Variants in KRT18 observed in about 807,000 individuals in gnomAD.
KRT18 encodes the protein keratin, type I cytoskeletal 18.
A neutral mutation model predicts 39.9 loss-of-function variants in KRT18; 8 were observed. That is an observed-to-expected ratio of 0.20 (90% CI 0.12 to 0.36). KRT18 has a LOEUF of 0.36. KRT18 is among the 10% of genes least tolerant of loss of function. The pLI, the probability that KRT18 is intolerant of heterozygous loss-of-function variation, is 1.00. For missense variants in KRT18, 396 were observed against 565.7 expected (o/e 0.70, Z 3.04); for synonymous variants, 194 against 227.8 (o/e 0.85, Z 1.33).
intron 3 of KRT18, among the ~76,000 whole-genome samples, chr12:52,951,249 G>A (rs1007933144): frequency 6.6e-6 from 1 of 152,202 alleles, no homozygotes; most frequent in East Asian, 1.9e-4. Flanking sequence ...TTGTGAAGGG[G>A]AGGGTGGATA....
chr12:52,950,451 G>A, intron 2 of KRT18, 41 bp downstream of exon 2: 2 of 1,438,380 alleles, frequency 1.4e-6, no homozygotes, highest in Non-Finnish European at 2.0e-6. Context: ...CAGGGGTGGA[G>A]CTAAGAAGGA....
rs1942496680 is a variant in KRT18 at position 52,951,864 on chromosome 12, C to T, written c.948+8C>T. Reference sequence around the variant, plus strand: ...GACTCCATGAGAAATCTGGTGAGTGCCTTCACATCACCTGCCCAGCTCCTC... The same window carrying T: ...GACTCCATGAGAAATCTGGTGAGTGTCTTCACATCACCTGCCCAGCTCCTC... On this transcript the variant is annotated splice_region_variant and intron_variant, in intron 5 of 6. Coordinates refer to ENST00000388835, the MANE Select transcript of KRT18 (RefSeq NM_000224.3). The T allele has an allele frequency of 1.2e-6, 2 of 1,604,412 alleles. No homozygotes were observed. Among genetic ancestry groups the T allele is most frequent in the South Asian group, 2.2e-5 (2 of 91,080 alleles).
intron 1 of KRT18, 148 bp downstream of exon 1, chr12:52,949,738 G>A (rs778330570): frequency 1.3e-6 from 1 of 758,922 alleles, no homozygotes; most frequent in Non-Finnish European, 2.4e-6. Flanking sequence ...CGCGCACCTA[G>A]CCACAGGGTC....
intron 5 of KRT18, 54 bp from the exon 6 acceptor site, chr12:52,952,065 G>T: frequency 7.0e-7 from 1 of 1,431,958 alleles, no homozygotes; most frequent in South Asian, 1.2e-5. Flanking sequence ...GTGAAGGGAT[G>T]AGCAGTCCTG....
upstream of KRT18, chr12:52,949,056 G>A (rs973259445): frequency 1.6e-5 from 16 of 978,666 alleles, no homozygotes; most frequent in African/African-American, 1.2e-4. Context: ...CTTCCGAAGC[G>A]GCTCCGGGGC....
At chr12:52,949,888 C>G (rs550963704) in intron 1 of KRT18, 11 of 681,346 alleles carry the variant, frequency 1.6e-5, no homozygotes, top group Admixed American at 1.0e-4. Flanking sequence ...GACACTGGCT[C>G]TGGCGGAATG....
At chr12:52,949,685 C>G in intron 1 of KRT18, 95 bp downstream of exon 1, 1 of 1,112,314 alleles carries the variant, frequency 9.0e-7, no homozygotes, top group South Asian at 1.3e-5. Flanking sequence ...CCACCCAACC[C>G]CTACTCCACC....
chr12:52,952,037 C>A, intron 5 of KRT18, 82 bp from the exon 6 acceptor site: 1 of 1,341,692 alleles, frequency 7.5e-7, no homozygotes, highest in Non-Finnish European at 1.0e-6. Context: ...TAGCAGGTGC[C>A]CAAAAAAGTT....
chr12:52,950,306 CCT>C lies in KRT18; in HGVS notation c.418-15_418-14del. 1 of 1,553,860 alleles carries C rather than the reference CCT, an allele frequency of 6.4e-7. No homozygotes were observed. The highest frequency in any genetic ancestry group is 8.9e-7 in the Non-Finnish European group (1 of 1,125,914). ...CCCTGGCTTTCTATTCATGGAACAA[CCT>C]CTCTCTACAATCCCTCCAGATCTTC... On this transcript the variant is annotated intron_variant, in intron 1 of 6. Coordinates refer to ENST00000388835, the MANE Select transcript of KRT18 (RefSeq NM_000224.3).
At chr12:52,948,891 C>T (rs955723570), upstream of KRT18, 36 of 428,614 alleles carry the variant, frequency 8.4e-5, no homozygotes, top group African/African-American at 6.6e-4. Flanking sequence ...GGGCCAACAA[C>T]ACCTGCTGTC....
upstream of KRT18, chr12:52,949,044 G>T (rs940645676): frequency 2.3e-6 from 2 of 877,024 alleles, no homozygotes; most frequent in Admixed American, 2.1e-5. Flanking sequence ...CTGTGGCTCC[G>T]GCTTCCGAAG....
At chr12:52,950,114 C>A in intron 1 of KRT18, 1 of 672,202 alleles carries the variant, frequency 1.5e-6, no homozygotes, top group Non-Finnish European at 2.7e-6. Context: ...CCTGCTGAGG[C>A]TTCCCAAGAG....
intron 2 of KRT18, 34 bp from the exon 3 acceptor site, chr12:52,950,716 A>G: frequency 1.3e-6 from 2 of 1,599,658 alleles, no homozygotes; most frequent in Non-Finnish European, 1.7e-6. Context: ...TGGATCAGAG[A>G]TAGGGGCCCC....
chr12:52,950,118 C>T, intron 1 of KRT18: 1 of 678,902 alleles, frequency 1.5e-6, no homozygotes, highest in Non-Finnish European at 2.7e-6. Context: ...CTGAGGCTTC[C>T]CAAGAGGGGC....
At chr12:52,950,962 C>T (rs776407801) in intron 3 of KRT18, 56 bp downstream of exon 3, 7 of 1,509,428 alleles carry the variant, frequency 4.6e-6, no homozygotes, top group East Asian at 4.8e-5. Flanking sequence ...AAGTCTGGGT[C>T]GGAGAATAGA....
intron 4 of KRT18, 25 bp downstream of exon 4, chr12:52,951,670 C>T: frequency 6.2e-7 from 1 of 1,613,214 alleles, no homozygotes; most frequent in Non-Finnish European, 8.5e-7. Flanking sequence ...GGGATGGCTG[C>T]CAAGGTGTGG....
At chr12:52,952,601 A>G (rs1330714756) in intron 6 of KRT18, 121 bp from the exon 7 acceptor site, 1 of 1,107,408 alleles carries the variant, frequency 9.0e-7, no homozygotes, top group Non-Finnish European at 1.3e-6. Flanking sequence ...TTTCTGGAGG[A>G]AGAGGCTGAG....
Position 52,951,501 on chromosome 12 carries a change from C to G in KRT18, c.678C>G (p.Ala226=). Residue 226 remains alanine, a synonymous_variant, in exon 4 of 7, where the codon GCC becomes GCG. Coordinates refer to ENST00000388835, the MANE Select transcript of KRT18 (RefSeq NM_000224.3). Reference sequence around the variant, plus strand: ...TTTAGGAAGTAAAAGGCCTACAAGCCCAGATTGCCAGCTCTGGGTTGACCG... The same window carrying G: ...TTTAGGAAGTAAAAGGCCTACAAGCGCAGATTGCCAGCTCTGGGTTGACCG... The part of the protein sequence containing the change: ...NHEEEVKGLQ[A]QIASSGLTVE... The G allele has an allele frequency of 6.2e-7, 1 of 1,614,066 alleles. No individual in the cohort carries two copies. The highest frequency in any genetic ancestry group is 8.5e-7 in the Non-Finnish European group (1 of 1,179,946).
chr12:52,951,205 C>T (rs1942481598), intron 3 of KRT18, among the ~76,000 whole-genome samples: 1 of 152,150 alleles, frequency 6.6e-6, no homozygotes. Flanking sequence ...ATGGAGTTGG[C>T]AGCGCTTCCT....
Sources: gnomAD v4.1 joint callset for allele counts (sites outside exome capture counted in the v4.1 genomes callset) on GRCh38, gnomAD v4.1.1 for gene constraint, MANE v1.5 for transcripts, NCBI Gene and HGNC (gene_info 2026-07-23, HGNC 2026-07-21) for gene names.